DISC1: variants seen among roughly 807,000 people sequenced by gnomAD.
DISC1 encodes DISC1 scaffold protein.
A neutral mutation model predicts 84.5 loss-of-function variants in DISC1; 57 were observed. The ratio of observed to expected loss-of-function variants is 0.67; its 90% CI spans 0.55 to 0.84. The LOEUF (loss-of-function observed/expected upper bound fraction) is 0.84. Ranked by LOEUF, DISC1 falls within the 40% of genes least tolerant of loss-of-function variation. The pLI, the probability that DISC1 is intolerant of heterozygous loss-of-function variation, is 0.00. For synonymous variants in DISC1, 411 were observed against 415.2 expected (o/e 0.99, Z 0.12); for missense variants, 1,000 against 1,057.8 (o/e 0.95, Z 0.76).
intron 8 of DISC1, among the ~76,000 whole-genome samples, chr1:231,817,434 A>G (rs2081124766): frequency 6.6e-6 from 1 of 152,210 alleles, no homozygotes; most frequent in African/African-American, 2.4e-5. Flanking sequence ...AAAGAACCTC[A>G]TAACATTTTG....
chr1:231,818,345 G>C lies in DISC1; in HGVS notation c.1809G>C (p.Thr603=). The C allele has an allele frequency of 6.2e-7, 1 of 1,613,908 alleles. No homozygotes were observed. Among genetic ancestry groups the C allele is most frequent in the South Asian group, 1.1e-5 (1 of 91,078 alleles). The part of the protein sequence containing the change: ...MHAISGNHFW[T]AKDLTEEIRS... ...GTGCTGTAGGAAACCATTTCTGGAC[G>C]GCTAAAGACCTCACCGAGGAGATTA... The change falls in exon 9 of 13, where the codon ACG becomes ACC. Residue 603 remains threonine, a synonymous_variant. Transcript: ENST00000439617.
At chr1:231,720,141 T>C (rs74600261) in intron 3 of DISC1, among the ~76,000 whole-genome samples, 1 of 152,162 alleles carries the variant, frequency 6.6e-6, no homozygotes, top group Non-Finnish European at 1.5e-5. Context: ...CCCTAAGTCA[T>C]GGCCAGAACA....
intron 9 of DISC1, among the ~76,000 whole-genome samples, 184 bp from the exon 10 acceptor site, chr1:231,958,644 G>A (rs531962368): frequency 1.3e-5 from 2 of 152,312 alleles, no homozygotes; most frequent in South Asian, 2.1e-4. Flanking sequence ...CAGAGCCCCG[G>A]AATCCTCCCC....
chr1:231,699,713 C>G (rs961297354), intron 2 of DISC1, among the ~76,000 whole-genome samples: 27 of 152,330 alleles, frequency 1.8e-4, no homozygotes, highest in African/African-American at 6.3e-4. Flanking sequence ...CTGTTTAAAA[C>G]ATAAGTCAGA....
chr1:231,691,223 G>A (rs2064964352), intron 1 of DISC1, among the ~76,000 whole-genome samples: 1 of 152,108 alleles, frequency 6.6e-6, no homozygotes, highest in South Asian at 2.1e-4. Flanking sequence ...CTGAGATCAG[G>A]AGTTCGAGAC....
chr1:232,017,954 C>G (rs2103021104), intron 11 of DISC1, among the ~76,000 whole-genome samples: 1 of 152,292 alleles, frequency 6.6e-6, no homozygotes. Flanking sequence ...TTTAAATCAT[C>G]TTGATCCAGT....
At chr1:231,875,961 C>T (rs1381794331) in intron 9 of DISC1, among the ~76,000 whole-genome samples, 1 of 152,048 alleles carries the variant, frequency 6.6e-6, no homozygotes, top group Non-Finnish European at 1.5e-5. Flanking sequence ...ACTCAGCTTC[C>T]TAGGAATGCT....
At chr1:231,714,854 C>T (rs1251687822) in intron 3 of DISC1, among the ~76,000 whole-genome samples, 1 of 152,156 alleles carries the variant, frequency 6.6e-6, no homozygotes, top group Admixed American at 6.6e-5. Flanking sequence ...TATGTTGTTA[C>T]TTCCACCACA....
intron 9 of DISC1, among the ~76,000 whole-genome samples, chr1:231,883,497 C>T (rs1171603788): frequency 1.3e-5 from 2 of 152,024 alleles, no homozygotes; most frequent in Admixed American, 6.6e-5. Flanking sequence ...GAGGAGGCAT[C>T]GAGTTGCCAG....
At chr1:231,780,926 C>T (rs1434770997) in intron 6 of DISC1, among the ~76,000 whole-genome samples, 3 of 112,158 alleles carry the variant, frequency 2.7e-5, no homozygotes, top group African/African-American at 6.9e-5. Context: ...AACCAAACAC[C>T]GCATATTCTC....
intron 10 of DISC1, among the ~76,000 whole-genome samples, chr1:231,972,495 TA>T (rs1662133445): frequency 6.6e-6 from 1 of 152,178 alleles, no homozygotes; most frequent in Non-Finnish European, 1.5e-5. Context: ...TTTAGGGCAT[TA>T]TATAGCAGCT....
At chr1:231,963,693 A>G (rs544241802) in intron 10 of DISC1, among the ~76,000 whole-genome samples, 1 of 152,340 alleles carries the variant, frequency 6.6e-6, no homozygotes, top group African/African-American at 2.4e-5. Flanking sequence ...CAAGCCGCAG[A>G]CAAAACTCCT....
intron 11 of DISC1, among the ~76,000 whole-genome samples, chr1:232,013,596 A>G (rs701165): frequency 0.38 from 58,469 of 151,960 alleles, 11,695 homozygotes; most frequent in African/African-American, 0.47. Flanking sequence ...AAGACCCAGG[A>G]AAAACTATTT....
chr1:231,951,003 A>G (rs1658273033), intron 9 of DISC1, among the ~76,000 whole-genome samples: 1 of 152,116 alleles, frequency 6.6e-6, no homozygotes, highest in South Asian at 2.1e-4. Flanking sequence ...GCCACACACC[A>G]CCCCACAGGA....
chr1:231,802,920 C>T (rs2079392157), intron 8 of DISC1, among the ~76,000 whole-genome samples: 1 of 152,090 alleles, frequency 6.6e-6, no homozygotes, highest in African/African-American at 2.4e-5. Context: ...TGCCTACTAC[C>T]AAGTCCCAAA....
rs1352726618 is a variant in DISC1, at chr1:231,826,933, T to C, written c.1981+8416T>C. Among the ~76,000 whole-genome samples, 1 of 152,242 alleles carries C rather than the reference T, an allele frequency of 6.6e-6. No homozygotes were observed. Among genetic ancestry groups the C allele is most frequent in the Non-Finnish European group, 1.5e-5 (1 of 68,042 alleles). ...ATTACAAGGAATTCAATTTGCAACA[T>C]GTGATGTCAATCTTTCTAGGCTTCT... On this transcript the variant is annotated intron_variant, in intron 9 of 12. Transcript: ENST00000439617. The surrounding 1 kb of genome is among the most constrained non-coding windows in gnomAD (Gnocchi z 4.2).
intron 9 of DISC1, among the ~76,000 whole-genome samples, chr1:231,896,610 G>C (rs1477306932): frequency 6.6e-6 from 1 of 152,174 alleles, no homozygotes; most frequent in Non-Finnish European, 1.5e-5. Context: ...CATAGAGCCA[G>C]ACTTGAGGCT....
At chr1:231,792,662 G>A (rs1295146155) in intron 6 of DISC1, among the ~76,000 whole-genome samples, 1 of 152,320 alleles carries the variant, frequency 6.6e-6, no homozygotes, top group East Asian at 1.9e-4. Context: ...CCCAAAGCTG[G>A]TGCTGCTGTT....
chr1:231,773,127 TC>T (rs1338364070), intron 6 of DISC1, among the ~76,000 whole-genome samples: 1 of 152,186 alleles, frequency 6.6e-6, no homozygotes, highest in Non-Finnish European at 1.5e-5. Flanking sequence ...ACTATGGCTG[TC>T]TTTGGGCCTG....
Sources: allele counts gnomAD v4.1 joint callset (sites outside exome capture counted in the v4.1 genomes callset), GRCh38; gene constraint gnomAD v4.1.1; non-coding constraint Gnocchi (gnomAD v3.1); transcripts MANE v1.5; gene names NCBI Gene and HGNC (gene_info 2026-07-23, HGNC 2026-07-21).